CCDC82: variants seen among roughly 807,000 people sequenced by gnomAD.
CCDC82 encodes coiled-coil domain-containing protein 82.
Under a neutral mutation model 60.6 loss-of-function variants are expected in CCDC82, and 47 were observed. That is an observed-to-expected ratio of 0.77 (90% confidence interval 0.61 to 0.99). The LOEUF (loss-of-function observed/expected upper bound fraction) is 0.99, where lower values mean the gene tolerates loss of function less well. Ranked by LOEUF, CCDC82 falls within the 50% of genes least tolerant of loss-of-function variation. The pLI is 0.00. For missense variants in CCDC82, 588 were observed against 633.0 expected, an observed-to-expected ratio of 0.93 and a Z score of 0.76; for synonymous variants, 212 against 207.4, an observed-to-expected ratio of 1.02 and a Z score of -0.19.
intron 9 of CCDC82, 84 bp from the exon 10 acceptor site, chr11:96,353,798 G>C: frequency 1.2e-6 from 1 of 860,008 alleles, no homozygotes; most frequent in East Asian, 2.5e-5. Flanking sequence ...ACACAATTAG[G>C]ATAAGTCCAT....
At chr11:96,376,971 T>G (rs1031919657) in intron 5 of CCDC82, among the ~76,000 whole-genome samples, 1 of 152,192 alleles carries the variant, frequency 6.6e-6, no homozygotes, top group Admixed American at 6.5e-5. Context: ...AGATGGACAC[T>G]GTTAAAGGAT....
chr11:96,358,356 A>G, intron 9 of CCDC82: 2 of 1,216,014 alleles, frequency 1.6e-6, no homozygotes, highest in Non-Finnish European at 2.0e-6. Flanking sequence ...GTAAGCTGCC[A>G]GCAGATCTTC....
intron 8 of CCDC82, among the ~76,000 whole-genome samples, chr11:96,360,968 C>T (rs1243142247): frequency 6.6e-6 from 1 of 152,192 alleles, no homozygotes; most frequent in East Asian, 1.9e-4. Context: ...TCCTGCTTTT[C>T]AGATCATTAG....
At chr11:96,378,904 T>C (rs1195411959) in intron 5 of CCDC82, among the ~76,000 whole-genome samples, 1 of 152,028 alleles carries the variant, frequency 6.6e-6, no homozygotes, top group Non-Finnish European at 1.5e-5. Context: ...AGAGGGAAAC[T>C]ACCCTGTGGT....
chr11:96,354,380 A>C (rs1305809797), intron 9 of CCDC82: 1 of 152,206 alleles, frequency 6.6e-6, no homozygotes, highest in Non-Finnish European at 1.5e-5. Flanking sequence ...GAACAGAGAG[A>C]GCTAAGACTG....
intron 5 of CCDC82, chr11:96,381,345 A>G (rs1433787938): frequency 6.6e-6 from 1 of 151,746 alleles, no homozygotes; most frequent in Admixed American, 6.6e-5. Context: ...CAGTGTAGAG[A>G]TAACTGTAAC....
chr11:96,357,802 A>G, intron 9 of CCDC82: 1 of 985,430 alleles, frequency 1.0e-6, no homozygotes, highest in African/African-American at 1.7e-5. Flanking sequence ...GTTATTGAAT[A>G]AGTGCTCTCT....
rs528221711 is a variant in CCDC82, at chr11:96,358,448, A to G, written c.1566+545T>C. On this transcript the variant is annotated intron_variant, in intron 9 of 9. Transcript: ENST00000646818. ...ATCAATAGGATATGGGGGAATCAAA[A>G]TCAGTGCTGTGGTCTGAAACCTCTG... is the stretch of plus-strand genomic sequence containing the variant. 2.9e-4 allele frequency: 354 copies of G among 1,229,952 alleles called. 1 individual carries two copies. Among genetic ancestry groups the G allele is most frequent in the South Asian group, 8.4e-5 (2 of 23,870 alleles). The allele number at this position is 1,229,952 out of a possible 1,614,324, so 76.2% of individuals were successfully genotyped here.
At chr11:96,373,335 G>T (rs778306146) in intron 6 of CCDC82, 40 bp downstream of exon 6, 1 of 1,294,442 alleles carries the variant, frequency 7.7e-7, no homozygotes, top group Non-Finnish European at 1.1e-6. Context: ...ATTGGAAAAA[G>T]AAATAAAAAC....
chr11:96,369,201 A>C, intron 7 of CCDC82, among the ~76,000 whole-genome samples: 1 of 152,236 alleles, frequency 6.6e-6, no homozygotes, highest in East Asian at 1.9e-4. Context: ...TCTTCAATCC[A>C]TACCACTAAA....
chr11:96,360,128 TAATA>T (rs986685771), intron 8 of CCDC82, among the ~76,000 whole-genome samples: 2 of 147,220 alleles, frequency 1.4e-5, no homozygotes, highest in Admixed American at 6.8e-5. Context: ...TAATATATAT[TAATA>T]TATATTAAAT....
At chr11:96,379,291 T>C (rs1865747863) in intron 5 of CCDC82, among the ~76,000 whole-genome samples, 1 of 151,896 alleles carries the variant, frequency 6.6e-6, no homozygotes, top group Non-Finnish European at 1.5e-5. Flanking sequence ...AGATATGGTA[T>C]AAAATTGCTA....
Position 96,383,416 on chromosome 11 carries a change from C to T in CCDC82, c.844G>A (p.Asp282Asn), listed in dbSNP as rs1225317540. The T allele has an allele frequency of 5.0e-6, 8 of 1,602,618 alleles. No homozygotes were observed. The Admixed American group carries it at 1.2e-4, about 24-fold the overall frequency. ...SDEVDEEEEE[D>N]NYESDEDGDD... ...CCATCTTCATCAGATTCATAATTAT[C>T]CTCTTCTTCCTCCTCATCAACTTCA... Residue 282 changes from aspartate (D) to asparagine (N), a missense_variant, in exon 5 of 10, where the codon GAT becomes AAT. Coordinates refer to ENST00000646818, the MANE Select transcript of CCDC82 (RefSeq NM_024725.4).
At chr11:96,358,024 T>A in intron 9 of CCDC82, 1 of 985,412 alleles carries the variant, frequency 1.0e-6, no homozygotes, top group Non-Finnish European at 1.2e-6. Flanking sequence ...TTATCTAGAC[T>A]GGGAGACCTC....
intron 6 of CCDC82, among the ~76,000 whole-genome samples, chr11:96,372,723 T>C (rs2136144087): frequency 7.1e-6 from 1 of 141,150 alleles, no homozygotes; most frequent in Admixed American, 7.1e-5. Context: ...TATATATTTA[T>C]ATATATAAAT....
chr11:96,356,338 T>C (rs1203643843), intron 9 of CCDC82: 1 of 611,076 alleles, frequency 1.6e-6, no homozygotes. Context: ...ATTATAATTT[T>C]AAATTATTAT....
At chr11:96,371,602 A>T (rs1284971767) in intron 6 of CCDC82, among the ~76,000 whole-genome samples, 1 of 152,230 alleles carries the variant, frequency 6.6e-6, no homozygotes, top group Non-Finnish European at 1.5e-5. Context: ...CTTTGTAAGC[A>T]TCAAGCTTTA....
At chr11:96,383,071 T>A (rs1865963433) in intron 5 of CCDC82, 198 bp downstream of exon 5, 2 of 545,006 alleles carry the variant, frequency 3.7e-6, no homozygotes, top group East Asian at 6.0e-5. Context: ...AGTAAAGGCG[T>A]GTTGGGGTTA....
intron 8 of CCDC82, among the ~76,000 whole-genome samples, chr11:96,360,658 G>A (rs1864612275): frequency 6.6e-6 from 1 of 152,122 alleles, no homozygotes; most frequent in Non-Finnish European, 1.5e-5. Context: ...GTTCACTAAT[G>A]GGTTATGCTT....
Sources: gnomAD v4.1 joint callset for allele counts (sites outside exome capture counted in the v4.1 genomes callset) on GRCh38, gnomAD v4.1.1 for gene constraint, MANE v1.5 for transcripts, NCBI Gene and HGNC (gene_info 2026-07-23, HGNC 2026-07-21) for gene names.